Variants in SLC25A28 observed in about 807,000 individuals in gnomAD.
SLC25A28 encodes solute carrier family 25 member 28, also known as mitoferrin-2.
A neutral mutation model predicts 31.9 loss-of-function variants in SLC25A28; 10 were observed. The ratio of observed to expected loss-of-function variants is 0.31; its 90% CI spans 0.19 to 0.53. The LOEUF is 0.53. SLC25A28 is among the 20% of genes least tolerant of loss of function. The pLI, the probability that SLC25A28 is intolerant of heterozygous loss-of-function variation, is 0.95. For missense variants in SLC25A28, 256 were observed against 490.3 expected (o/e 0.52, Z 4.51); for synonymous variants, 208 against 203.6 (o/e 1.02, Z -0.19).
chr10:99,648,094 C>T, the SLC25A28 span, among the ~76,000 whole-genome samples: 8 of 151,852 alleles, frequency 5.3e-5, no homozygotes, highest in African/African-American at 1.9e-4. Flanking sequence ...AGCCTCCCAG[C>T]CTCAAGCAAT....
upstream of SLC25A28, among the ~76,000 whole-genome samples, chr10:99,623,275 G>A (rs373170856): frequency 9.2e-5 from 14 of 152,174 alleles, no homozygotes; most frequent in Non-Finnish European, 1.9e-4. Context: ...AATACAACAC[G>A]AAGTTGGAAA....
At chr10:99,612,484 A>C (rs758252101) in intron 3 of SLC25A28, 59 bp downstream of exon 3, 30 of 1,582,814 alleles carry the variant, frequency 1.9e-5, no homozygotes, top group Non-Finnish European at 2.4e-5. Context: ...TTTCTTCTGC[A>C]AACTGTAAAG....
At chr10:99,643,055 T>C in the SLC25A28 span, among the ~76,000 whole-genome samples, 1 of 152,134 alleles carries the variant, frequency 6.6e-6, no homozygotes, top group Non-Finnish European at 1.5e-5. Flanking sequence ...TGCCAGGCTT[T>C]GGTATCAGGA....
intron 1 of SLC25A28, chr10:99,617,401 G>C: frequency 7.1e-6 from 7 of 985,474 alleles, no homozygotes; most frequent in Non-Finnish European, 8.4e-6. Flanking sequence ...AGGCCTGCAT[G>C]TCAAAAGGCA....
At chr10:99,629,912 G>A in the SLC25A28 span, among the ~76,000 whole-genome samples, 1 of 152,148 alleles carries the variant, frequency 6.6e-6, no homozygotes, top group African/African-American at 2.4e-5. Context: ...AGTGGCTCAC[G>A]CCTGTAATCC....
chr10:99,642,995 G>A, the SLC25A28 span, among the ~76,000 whole-genome samples: 5 of 152,006 alleles, frequency 3.3e-5, no homozygotes, highest in African/African-American at 9.7e-5. Context: ...TTTTTGCATC[G>A]ATGTTCACCA....
the SLC25A28 span, among the ~76,000 whole-genome samples, chr10:99,652,432 C>T: frequency 6.6e-6 from 1 of 151,358 alleles, no homozygotes; most frequent in Non-Finnish European, 1.5e-5. Flanking sequence ...AAAGCAAATG[C>T]CCCTTTTTTT....
At chr10:99,612,944 G>GT (rs1339623326) in intron 2 of SLC25A28, among the ~76,000 whole-genome samples, 2 of 152,184 alleles carry the variant, frequency 1.3e-5, no homozygotes, top group Non-Finnish European at 2.9e-5. Flanking sequence ...CCTGCCACCA[G>GT]TGGAGGGAGA....
chr10:99,656,129 T>G, the SLC25A28 span, among the ~76,000 whole-genome samples: 62 of 152,124 alleles, frequency 4.1e-4, 1 homozygote, highest in African/African-American at 1.4e-3. Flanking sequence ...GAAACTACTA[T>G]GGGACCACAA....
At chr10:99,649,666 G>A in the SLC25A28 span, among the ~76,000 whole-genome samples, 30 of 152,202 alleles carry the variant, frequency 2.0e-4, no homozygotes, top group Admixed American at 1.8e-3. Context: ...CAGGAGTTCT[G>A]TTTCTTCCTA....
the SLC25A28 span, among the ~76,000 whole-genome samples, chr10:99,658,955 G>T: frequency 6.6e-6 from 1 of 152,174 alleles, no homozygotes. Flanking sequence ...TGGTGTAAAC[G>T]TCATTGTCTT....
the SLC25A28 span, among the ~76,000 whole-genome samples, chr10:99,639,732 C>CACAA: frequency 6.7e-6 from 1 of 149,564 alleles, no homozygotes; most frequent in South Asian, 2.1e-4. Flanking sequence ...TACACACACA[C>CACAA]ACACACACAC....
chr10:99,631,894 T>A, the SLC25A28 span, among the ~76,000 whole-genome samples: 2 of 111,184 alleles, frequency 1.8e-5, no homozygotes, highest in African/African-American at 6.7e-5. Context: ...TTTTTTTATT[T>A]TTTTTTTTTT....
the SLC25A28 span, among the ~76,000 whole-genome samples, chr10:99,644,952 G>C: frequency 6.6e-6 from 1 of 152,138 alleles, no homozygotes; most frequent in Non-Finnish European, 1.5e-5. Context: ...TGCCTTTGTG[G>C]GTAACCCGAC....
chr10:99,625,383 A>C (rs925899204), upstream of SLC25A28, among the ~76,000 whole-genome samples: 2 of 151,916 alleles, frequency 1.3e-5, no homozygotes, highest in Admixed American at 6.6e-5. Context: ...CAGAGTGCTG[A>C]TTGGTGTGTT....
At chr10:99,631,876 T>TTTG in the SLC25A28 span, among the ~76,000 whole-genome samples, 1 of 79,800 alleles carries the variant, frequency 1.3e-5, no homozygotes, top group Admixed American at 1.6e-4. Context: ...GCTCAGTATG[T>TTTG]TATTTTTTTT....
At chr10:99,642,993 T>C in the SLC25A28 span, among the ~76,000 whole-genome samples, 1 of 152,188 alleles carries the variant, frequency 6.6e-6, no homozygotes, top group African/African-American at 2.4e-5. Flanking sequence ...GATTTTTGCA[T>C]CGATGTTCAC....
At chr10:99,616,821 C>T (rs2034667713) in intron 1 of SLC25A28, 2 of 917,988 alleles carry the variant, frequency 2.2e-6, no homozygotes, top group African/African-American at 1.8e-5. Flanking sequence ...TTCCCTAAGC[C>T]TCCTTTCAAC....
At chr10:99,656,534 G>C in the SLC25A28 span, among the ~76,000 whole-genome samples, 2 of 152,166 alleles carry the variant, frequency 1.3e-5, no homozygotes, top group Non-Finnish European at 2.9e-5. Flanking sequence ...CAGGTGAAGA[G>C]AGATGGGTAA....
Sources: gnomAD v4.1 joint callset for allele counts (sites outside exome capture counted in the v4.1 genomes callset) on GRCh38, gnomAD v4.1.1 for gene constraint, MANE v1.5 for transcripts, NCBI Gene and HGNC (gene_info 2026-07-23, HGNC 2026-07-21) for gene names.